AKT3: variants seen among roughly 807,000 people sequenced by gnomAD.
AKT3 encodes AKT serine/threonine kinase 3.
A neutral mutation model predicts 65.3 loss-of-function variants in AKT3; 15 were observed. The observed-to-expected ratio is 0.23, with a 90% CI of 0.15 to 0.35. The LOEUF is 0.35. Among genes scored for constraint, AKT3 ranks in the 10% least tolerant of loss-of-function variants. The pLI, the probability that AKT3 is intolerant of heterozygous loss-of-function variation, is 1.00. For synonymous variants in AKT3, 206 were observed against 183.8 expected, an observed-to-expected ratio of 1.12 and a Z score of -0.98; for missense variants, 243 against 576.5, an observed-to-expected ratio of 0.42 and a Z score of 5.92.
rs185093101 is a variant in AKT3, at chr1:243,524,808, G to A, written c.1252-12382C>T. On this transcript the variant is annotated intron_variant, in intron 12 of 13. Transcript: ENST00000673466. Reference sequence around the variant, plus strand: ...CCTCCATATAACTGTAACCTCAGGAGAAAGACATGAAAACAATCTAAAGGT... The same window carrying A: ...CCTCCATATAACTGTAACCTCAGGAAAAAGACATGAAAACAATCTAAAGGT... 3.3e-5 allele frequency among the ~76,000 whole-genome samples: 5 copies of A among 152,290 alleles called. No individual in the cohort carries two copies. The East Asian group carries it at 9.6e-4, about 29-fold the overall frequency.
chr1:243,735,922 G>A (rs1271302158), intron 2 of AKT3, among the ~76,000 whole-genome samples: 1 of 152,162 alleles, frequency 6.6e-6, no homozygotes, highest in Non-Finnish European at 1.5e-5. Context: ...CCTTGTGCTA[G>A]TGCTAAACAC....
rs550137542 is a variant in AKT3 at position 243,771,501 on chromosome 1, T to G, written c.46+71624A>C. Reference sequence around the variant, plus strand: ...TAACAAGAAATTTGTTAATTCTTGCTGTAATAATTCCAAACATTATTCACA... The same window carrying G: ...TAACAAGAAATTTGTTAATTCTTGCGGTAATAATTCCAAACATTATTCACA... On this transcript the variant is annotated intron_variant, in intron 2 of 13. Coordinates refer to ENST00000673466, the MANE Select transcript of AKT3 (RefSeq NM_005465.7). Among the ~76,000 whole-genome samples the G allele has an allele frequency of 1.4e-3, 206 of 152,320 alleles. 5 individuals are homozygous for G. The South Asian group carries it at 0.041, about 30-fold the overall frequency.
chr1:243,818,550 GA>G (rs1193666466), intron 2 of AKT3, among the ~76,000 whole-genome samples: 2 of 152,038 alleles, frequency 1.3e-5, no homozygotes, highest in Middle Eastern at 3.4e-3. Flanking sequence ...TTTGGACTAA[GA>G]AAAAATGGCT....
At chr1:243,720,194 G>A (rs1686790263) in intron 2 of AKT3, among the ~76,000 whole-genome samples, 1 of 152,062 alleles carries the variant, frequency 6.6e-6, no homozygotes, top group Non-Finnish European at 1.5e-5. Flanking sequence ...AGCAACTCGG[G>A]AGGCTGAGGC....
rs568191835 is a variant in AKT3, at chr1:243,724,163, T to A, written c.47-28447A>T. Among the ~76,000 whole-genome samples the A allele has an allele frequency of 3.8e-4, 58 of 150,828 alleles. 1 individual carries two copies. Among genetic ancestry groups the A allele is most frequent in the African/African-American group, 1.3e-3 (54 of 40,932 alleles). On this transcript the variant is annotated intron_variant, in intron 2 of 13. Coordinates refer to ENST00000673466, the MANE Select transcript of AKT3 (RefSeq NM_005465.7). Reference sequence around the variant, plus strand: ...ACAGGAGAGGAAAACAAGACTGTCATCCCTGCAGTCCTCAAAAGAAAAAGT... The same window carrying A: ...ACAGGAGAGGAAAACAAGACTGTCAACCCTGCAGTCCTCAAAAGAAAAAGT...
chr1:243,591,279 T>G (rs998486420), intron 8 of AKT3, among the ~76,000 whole-genome samples: 3 of 152,086 alleles, frequency 2.0e-5, no homozygotes, highest in African/African-American at 7.2e-5. Context: ...CATGGCAAAA[T>G]AGAAAGATCT....
At chr1:243,625,122 GTGTTTTTT>G in intron 6 of AKT3, 1 of 122,328 alleles carries the variant, frequency 8.2e-6, no homozygotes, top group Non-Finnish European at 1.5e-5. Flanking sequence ...ACTGCAGTTT[GTGTTTTTT>G]TTTTTTTTTT....
At chr1:243,562,975 C>T (rs1381836330) in intron 10 of AKT3, among the ~76,000 whole-genome samples, 1 of 152,184 alleles carries the variant, frequency 6.6e-6, no homozygotes, top group Non-Finnish European at 1.5e-5. Context: ...GGAACACCAT[C>T]TACAACAGCC....
intron 2 of AKT3, among the ~76,000 whole-genome samples, chr1:243,785,063 A>ATT (rs764079943): frequency 1.9e-4 from 25 of 134,868 alleles, no homozygotes; most frequent in Admixed American, 3.7e-4. Flanking sequence ...GTCCAACTCA[A>ATT]TTTTTTTTTT....
chr1:243,734,605 T>C (rs983744070), intron 2 of AKT3, among the ~76,000 whole-genome samples: 3 of 152,088 alleles, frequency 2.0e-5, no homozygotes, highest in African/African-American at 7.2e-5. Context: ...ATGGGGCTTG[T>C]AGGACTAGAA....
intron 9 of AKT3, among the ~76,000 whole-genome samples, chr1:243,566,100 C>G (rs982783015): frequency 4.6e-5 from 7 of 152,292 alleles, no homozygotes; most frequent in Non-Finnish European, 8.8e-5. Flanking sequence ...ACAGGATGCA[C>G]TATTTCTCCA....
chr1:243,526,639 A>C (rs1231660538), intron 12 of AKT3, among the ~76,000 whole-genome samples: 1 of 152,108 alleles, frequency 6.6e-6, no homozygotes, highest in Non-Finnish European at 1.5e-5. Context: ...CAAGGAAGAA[A>C]TATTTAAATA....
chr1:243,578,598 T>C (rs1417038028), intron 8 of AKT3, among the ~76,000 whole-genome samples: 5 of 152,040 alleles, frequency 3.3e-5, no homozygotes, highest in South Asian at 2.1e-4. Flanking sequence ...AATACTTAAG[T>C]GATGGGTTGA....
At chr1:243,743,140 A>G (rs899037142) in intron 2 of AKT3, among the ~76,000 whole-genome samples, 1 of 152,202 alleles carries the variant, frequency 6.6e-6, no homozygotes, top group African/African-American at 2.4e-5. Context: ...GTTGGTCTCC[A>G]TCTCAAAAAC....
At chr1:243,668,738 C>T (rs780766457) in intron 3 of AKT3, among the ~76,000 whole-genome samples, 3 of 152,142 alleles carry the variant, frequency 2.0e-5, no homozygotes, top group Non-Finnish European at 2.9e-5. Context: ...CAAGGCTGTA[C>T]TTTAACCAAG....
At chr1:243,786,168 T>G (rs1691249437) in intron 2 of AKT3, among the ~76,000 whole-genome samples, 2 of 152,220 alleles carry the variant, frequency 1.3e-5, no homozygotes, top group Admixed American at 1.3e-4. Flanking sequence ...GGAAATGCAC[T>G]GACCTAAGGT....
At chr1:243,522,629 C>A (rs1003109929) in intron 12 of AKT3, among the ~76,000 whole-genome samples, 1 of 151,864 alleles carries the variant, frequency 6.6e-6, no homozygotes, top group Admixed American at 6.6e-5. Flanking sequence ...CAGAGAGAGA[C>A]CCTGGCTCAA....
At chr1:243,680,772 A>C (rs1683852213) in intron 3 of AKT3, among the ~76,000 whole-genome samples, 1 of 152,146 alleles carries the variant, frequency 6.6e-6, no homozygotes, top group Non-Finnish European at 1.5e-5. Context: ...TGTCTCCCCT[A>C]TGGCTTCTAT....
intron 2 of AKT3, among the ~76,000 whole-genome samples, chr1:243,754,675 G>A (rs1047790198): frequency 6.6e-6 from 1 of 152,162 alleles, no homozygotes; most frequent in African/African-American, 2.4e-5. Context: ...GCATGCGAGG[G>A]ATCTAGGTTG....
Sources: allele counts gnomAD v4.1 joint callset (sites outside exome capture counted in the v4.1 genomes callset), GRCh38; gene constraint gnomAD v4.1.1; transcripts MANE v1.5; gene names NCBI Gene and HGNC (gene_info 2026-07-23, HGNC 2026-07-21).